CTNNA2: variants seen among roughly 807,000 people sequenced by gnomAD.
CTNNA2 encodes the protein catenin alpha 2, also known as catenin alpha-2.
In CTNNA2, 42 loss-of-function variants were observed where a neutral mutation model predicts 101.0. The ratio of observed to expected loss-of-function variants is 0.42; its 90% CI spans 0.32 to 0.54. CTNNA2 has a LOEUF of 0.54. Among genes scored for constraint, CTNNA2 ranks in the 20% least tolerant of loss-of-function variants. The pLI, the probability that CTNNA2 is intolerant of heterozygous loss-of-function variation, is 0.14. For missense variants in CTNNA2, 871 were observed against 1,223.1 expected (o/e 0.71, Z 4.29); for synonymous variants, 450 against 456.4 (o/e 0.99, Z 0.18).
intron 3 of CTNNA2, among the ~76,000 whole-genome samples, chr2:79,366,118 ACAGTAGGT>A (rs1233283049): frequency 1.3e-5 from 2 of 152,238 alleles, no homozygotes; most frequent in Non-Finnish European, 2.9e-5. Flanking sequence ...GAGATCACAC[ACAGTAGGT>A]CATGAGTGTG....
At chr2:79,956,843 G>GTTTTTTGTTTTTTTTTTT (rs1553413397) in intron 7 of CTNNA2, among the ~76,000 whole-genome samples, 4 of 98,932 alleles carry the variant, frequency 4.0e-5, no homozygotes, top group African/African-American at 1.9e-4. Flanking sequence ...ATACGTGTGG[G>GTTTTTTGTTTTTTTTTTT]TTTTTTTTTT....
intron 3 of CTNNA2, among the ~76,000 whole-genome samples, chr2:79,322,416 A>G (rs1438510642): frequency 6.6e-6 from 1 of 152,232 alleles, no homozygotes; most frequent in East Asian, 1.9e-4. Context: ...TTAGCAAGGA[A>G]CCATTTGGAA....
intron 2 of CTNNA2, among the ~76,000 whole-genome samples, chr2:79,736,053 T>C (rs1030821801): frequency 3.3e-5 from 5 of 152,192 alleles, no homozygotes; most frequent in African/African-American, 1.2e-4. Context: ...AGAGATCCTA[T>C]TGTAGTAGTT....
chr2:79,537,374 A>G (rs752370946), intron 1 of CTNNA2, among the ~76,000 whole-genome samples: 11 of 152,048 alleles, frequency 7.2e-5, no homozygotes, highest in Non-Finnish European at 1.2e-4. Context: ...CTGCACTCCT[A>G]TCCTTTCATG....
intron 9 of CTNNA2, among the ~76,000 whole-genome samples, chr2:80,446,593 C>T (rs1440163161): frequency 6.6e-6 from 1 of 151,988 alleles, no homozygotes; most frequent in Non-Finnish European, 1.5e-5. Flanking sequence ...GGAAGCTTTC[C>T]AAATTGTGTT....
intron 7 of CTNNA2, among the ~76,000 whole-genome samples, chr2:80,268,528 G>T (rs1673197784): frequency 6.6e-6 from 1 of 152,046 alleles, no homozygotes. Context: ...GGAGACAAAT[G>T]ACAAGAAAAC....
intron 17 of CTNNA2, chr2:80,613,066 C>G (rs1342415345): frequency 6.7e-6 from 1 of 150,292 alleles, no homozygotes; most frequent in East Asian, 2.0e-4. Context: ...GAAATTGTGA[C>G]AAATGAAATG....
At chr2:79,438,304 T>A (rs1237751804) in intron 4 of CTNNA2, among the ~76,000 whole-genome samples, 1 of 152,112 alleles carries the variant, frequency 6.6e-6, no homozygotes, top group Non-Finnish European at 1.5e-5. Context: ...TCTCTGTCTT[T>A]CAACCGTGAG....
At chr2:79,617,041 A>G (rs964508308) in intron 1 of CTNNA2, among the ~76,000 whole-genome samples, 1 of 151,996 alleles carries the variant, frequency 6.6e-6, no homozygotes, top group Non-Finnish European at 1.5e-5. Context: ...AACTGGGATT[A>G]CAGGTGTGCG....
At chr2:80,019,746 A>G (rs902780640) in intron 7 of CTNNA2, among the ~76,000 whole-genome samples, 1 of 152,190 alleles carries the variant, frequency 6.6e-6, no homozygotes, top group South Asian at 2.1e-4. Context: ...CTTGTCATCA[A>G]CACAGTGGGA....
At chr2:79,407,517 A>AG (rs905857065) in intron 4 of CTNNA2, among the ~76,000 whole-genome samples, 2 of 151,934 alleles carry the variant, frequency 1.3e-5, no homozygotes, top group African/African-American at 4.8e-5. Context: ...ACACACCTAC[A>AG]ACATACACAC....
chr2:79,763,052 C>T (rs989121600), intron 3 of CTNNA2, among the ~76,000 whole-genome samples: 3 of 152,280 alleles, frequency 2.0e-5, no homozygotes. Context: ...GGTTTTATAT[C>T]TTTCAGATAC....
At chr2:79,599,578 A>G (rs1677418772) in intron 1 of CTNNA2, among the ~76,000 whole-genome samples, 1 of 152,142 alleles carries the variant, frequency 6.6e-6, no homozygotes. Flanking sequence ...ATAGAATTAT[A>G]TCTTTGAACT....
chr2:79,631,431 C>T (rs147994682), intron 1 of CTNNA2, among the ~76,000 whole-genome samples: 37 of 152,238 alleles, frequency 2.4e-4, no homozygotes, highest in East Asian at 1.2e-3. Context: ...CAAACCACTA[C>T]GCGTCTCCCA....
intron 8 of CTNNA2, among the ~76,000 whole-genome samples, chr2:80,396,519 C>T (rs1441033694): frequency 6.6e-6 from 1 of 152,094 alleles, no homozygotes; most frequent in Non-Finnish European, 1.5e-5. Flanking sequence ...GCCTACTGGC[C>T]CACATGGTCT....
chr2:79,269,647 A>T (rs1675036330), intron 2 of CTNNA2, among the ~76,000 whole-genome samples: 2 of 152,144 alleles, frequency 1.3e-5, no homozygotes, highest in African/African-American at 2.4e-5. Flanking sequence ...CTTTGAAGAA[A>T]ATTCAAAGGA....
chr2:80,316,627 T>C (rs577760731), intron 7 of CTNNA2, among the ~76,000 whole-genome samples: 2 of 152,348 alleles, frequency 1.3e-5, no homozygotes, highest in Non-Finnish European at 1.5e-5. Flanking sequence ...AAAAGCAATT[T>C]TGCATTAAAA....
rs1686498602 is a variant in CTNNA2 at position 80,485,466 on chromosome 2, G to A, written c.1291-59516G>A. On this transcript the variant is annotated intron_variant, in intron 9 of 18. Transcript: ENST00000402739. ...GTATTCACCCTGGAGCCTGGAATGA[G>A]GACATCCAGCCTGACAACCTGTTAA... Among the ~76,000 whole-genome samples the A allele has an allele frequency of 2.0e-5, 3 of 152,264 alleles. 1 individual carries two copies. In the South Asian group the frequency reaches 6.2e-4, roughly 32 times the overall value.
intron 7 of CTNNA2, among the ~76,000 whole-genome samples, chr2:79,985,600 C>CA (rs1401520004): frequency 6.6e-6 from 1 of 152,170 alleles, no homozygotes; most frequent in African/African-American, 2.4e-5. Flanking sequence ...TGGGGTAAAG[C>CA]AAATGTTGTC....
Sources: allele counts gnomAD v4.1 joint callset (sites outside exome capture counted in the v4.1 genomes callset), GRCh38; gene constraint gnomAD v4.1.1; transcripts MANE v1.5; gene names NCBI Gene and HGNC (gene_info 2026-07-23, HGNC 2026-07-21).